DOK5: variants seen among roughly 807,000 people sequenced by gnomAD.
DOK5 encodes downstream of tyrosine kinase 5.
In DOK5, 27 loss-of-function variants were observed where a neutral mutation model predicts 43.3. The observed-to-expected ratio is 0.62, with a 90% CI of 0.46 to 0.86. DOK5 has a LOEUF of 0.86. Among genes scored for constraint, DOK5 ranks in the 40% least tolerant of loss-of-function variants. The pLI, the probability that DOK5 is intolerant of heterozygous loss-of-function variation, is 0.00. For synonymous variants in DOK5, 146 were observed against 140.1 expected (o/e 1.04, Z -0.30); for missense variants, 373 against 392.9 (o/e 0.95, Z 0.43).
At chr20:54,593,892 G>T (rs146101070) in intron 5 of DOK5, among the ~76,000 whole-genome samples, 80 of 152,296 alleles carry the variant, frequency 5.3e-4, no homozygotes, top group African/African-American at 1.9e-3. Context: ...ACCAATATAG[G>T]AACAGAAAAC....
At chr20:54,524,699 T>C (rs906890411) in intron 1 of DOK5, among the ~76,000 whole-genome samples, 13 of 152,252 alleles carry the variant, frequency 8.5e-5, no homozygotes, top group African/African-American at 3.1e-4. Context: ...TCTCTGACTA[T>C]TAAAGCCAAC....
intron 1 of DOK5, among the ~76,000 whole-genome samples, chr20:54,540,380 T>C (rs1409070177): frequency 6.6e-6 from 1 of 152,176 alleles, no homozygotes; most frequent in Non-Finnish European, 1.5e-5. Flanking sequence ...TCAGTAGATA[T>C]CTGCAGAATA....
intron 1 of DOK5, among the ~76,000 whole-genome samples, chr20:54,476,948 A>G (rs535617163): frequency 1.3e-5 from 2 of 150,932 alleles, no homozygotes; most frequent in Admixed American, 6.6e-5. Flanking sequence ...AAAATTTCAA[A>G]CTAGGTCCCT....
rs548471366 is a variant in DOK5 at position 54,578,033 on chromosome 20, A to G, written c.175-10450A>G. Among the ~76,000 whole-genome samples the G allele has an allele frequency of 1.6e-4, 24 of 152,292 alleles. No individual in the cohort carries two copies. In the East Asian group the frequency reaches 4.6e-3, roughly 29 times the overall value. On this transcript the variant is annotated intron_variant, in intron 2 of 7. Transcript: ENST00000262593. ...AGAATGTGCCTTTGGTTTGATTTACATATCCCCAAATCCTAGGGAGAGAAT... is the reference window on the plus strand; with the variant it reads ...AGAATGTGCCTTTGGTTTGATTTACGTATCCCCAAATCCTAGGGAGAGAAT...
intron 1 of DOK5, among the ~76,000 whole-genome samples, chr20:54,511,952 G>T (rs1271651946): frequency 6.6e-6 from 1 of 152,180 alleles, no homozygotes; most frequent in Non-Finnish European, 1.5e-5. Flanking sequence ...TGAATCTTGT[G>T]GCTTAGATGA....
chr20:54,536,022 C>T (rs1983949953), intron 1 of DOK5, among the ~76,000 whole-genome samples: 1 of 152,106 alleles, frequency 6.6e-6, no homozygotes, highest in Non-Finnish European at 1.5e-5. Flanking sequence ...TTTATTCACT[C>T]AGCCATTCAA....
chr20:54,556,676 C>G (rs916944632), intron 2 of DOK5, among the ~76,000 whole-genome samples: 1 of 152,204 alleles, frequency 6.6e-6, no homozygotes, highest in Admixed American at 6.5e-5. Flanking sequence ...GGCTTATCAT[C>G]TAGACACAGA....
rs1466397789 is a variant in DOK5, at chr20:54,475,929, G to C, written c.-18G>C. 1.2e-6 allele frequency: 2 copies of C among 1,612,784 alleles called. No homozygotes were observed. Among genetic ancestry groups the C allele is most frequent in the Non-Finnish European group, 1.7e-6 (2 of 1,179,828 alleles). ...GGTGCGCGCTCTTGGGTAAAGGGGG[G>C]GTCACCGGCTGTCTGGGATGGCTTC... On this transcript the variant is annotated 5_prime_UTR_variant, in exon 1 of 8. Coordinates refer to ENST00000262593, the MANE Select transcript of DOK5 (RefSeq NM_018431.5). This position sits in a 1 kb window ranked among gnomAD's most constrained non-coding sequence, Gnocchi z 4.2.
intron 1 of DOK5, among the ~76,000 whole-genome samples, chr20:54,505,574 A>C (rs1982773538): frequency 6.6e-6 from 1 of 152,144 alleles, no homozygotes; most frequent in South Asian, 2.1e-4. Flanking sequence ...ATAAAGCAAA[A>C]AGAAAACCCC....
chr20:54,475,689 G>A lies in DOK5; in HGVS notation c.-258G>A. Reference sequence around the variant, plus strand: ...CAGGCCGGCCGCGGAGTCAGCTGACGCCGGCGCTCCAGCCTCGCCTCCCCG... The same window carrying A: ...CAGGCCGGCCGCGGAGTCAGCTGACACCGGCGCTCCAGCCTCGCCTCCCCG... On this transcript the variant is annotated 5_prime_UTR_variant, in exon 1 of 8. Coordinates refer to ENST00000262593, the MANE Select transcript of DOK5 (RefSeq NM_018431.5). This position sits in a 1 kb window ranked among gnomAD's most constrained non-coding sequence, Gnocchi z 4.2. 2 of 541,416 alleles carry A rather than the reference G, an allele frequency of 3.7e-6. No homozygotes were observed. Among genetic ancestry groups the A allele is most frequent in the South Asian group, 2.3e-5 (1 of 44,002 alleles). The allele number at this position is 541,416 out of a possible 1,614,324, so 33.5% of individuals were successfully genotyped here.
chr20:54,548,223 CCTAT>C (rs762071800), intron 1 of DOK5, among the ~76,000 whole-genome samples: 2 of 146,290 alleles, frequency 1.4e-5, no homozygotes, highest in Non-Finnish European at 3.0e-5. Context: ...ATTAGGATTA[CCTAT>C]CTTTTATTTA....
At chr20:54,591,920 C>A in intron 5 of DOK5, 115 bp downstream of exon 5, 2 of 843,936 alleles carry the variant, frequency 2.4e-6, no homozygotes, top group Non-Finnish European at 3.5e-6. Context: ...AGCTGAAGTA[C>A]ACTTGAGGAA....
intron 1 of DOK5, among the ~76,000 whole-genome samples, chr20:54,523,316 C>G (rs113393883): frequency 0.048 from 7,239 of 152,176 alleles, 211 homozygotes; most frequent in Non-Finnish European, 0.072. Flanking sequence ...CCTGTAATCC[C>G]AGCACTTTGG....
intron 1 of DOK5, among the ~76,000 whole-genome samples, chr20:54,490,910 C>T (rs1388812905): frequency 6.6e-6 from 1 of 152,070 alleles, no homozygotes; most frequent in Non-Finnish European, 1.5e-5. Context: ...TCTCTAAGCT[C>T]TGGCTATAGC....
chr20:54,640,738 G>A (rs927151733), intron 6 of DOK5, among the ~76,000 whole-genome samples: 4 of 152,130 alleles, frequency 2.6e-5, no homozygotes, highest in Admixed American at 2.6e-4. Flanking sequence ...TGAATAATTT[G>A]AAGTGACTAG....
At chr20:54,492,686 TTGTGTGTGTG>T (rs34741362) in intron 1 of DOK5, among the ~76,000 whole-genome samples, 10 of 141,090 alleles carry the variant, frequency 7.1e-5, no homozygotes, top group South Asian at 4.7e-4. Flanking sequence ...GAGTGTGGCT[TTGTGTGTGTG>T]TGTGTGTGTG....
At chr20:54,515,021 T>G (rs947893515) in intron 1 of DOK5, among the ~76,000 whole-genome samples, 11 of 152,102 alleles carry the variant, frequency 7.2e-5, no homozygotes, top group African/African-American at 2.7e-4. Flanking sequence ...GTTATAATTT[T>G]TTTTTTAAGG....
chr20:54,633,933 G>C (rs985838352), intron 6 of DOK5, among the ~76,000 whole-genome samples: 7 of 152,148 alleles, frequency 4.6e-5, no homozygotes, highest in African/African-American at 1.4e-4. Flanking sequence ...AAAACACAAT[G>C]CTCTACCATA....
At chr20:54,508,522 G>T (rs1191266279) in intron 1 of DOK5, among the ~76,000 whole-genome samples, 2 of 151,344 alleles carry the variant, frequency 1.3e-5, no homozygotes, top group Non-Finnish European at 2.9e-5. Flanking sequence ...TGAGAACTGT[G>T]CAGGGGCTAC....
Sources: allele counts gnomAD v4.1 joint callset (sites outside exome capture counted in the v4.1 genomes callset), GRCh38; gene constraint gnomAD v4.1.1; non-coding constraint Gnocchi (gnomAD v3.1); transcripts MANE v1.5; gene names NCBI Gene and HGNC (gene_info 2026-07-23, HGNC 2026-07-21).